Variants in THADA observed in about 807,000 individuals in gnomAD.
THADA encodes the protein tRNA (32-2'-O)-methyltransferase regulator THADA.
A neutral mutation model predicts 219.8 loss-of-function variants in THADA; 213 were observed. The observed-to-expected ratio is 0.97, with a 90% CI of 0.87 to 1.09. THADA has a LOEUF of 1.09. Ranked by LOEUF, THADA falls within the 50% of genes least tolerant of loss-of-function variation. The pLI is 0.00. For synonymous variants in THADA, 1,018 were observed against 828.9 expected (o/e 1.23, Z -3.92); for missense variants, 2,956 against 2,311.3 (o/e 1.28, Z -5.72).
At chr2:43,344,356 T>C (rs759758900) in intron 29 of THADA, 119 bp from the exon 30 acceptor site, 31 of 662,958 alleles carry the variant, frequency 4.7e-5, no homozygotes, top group Non-Finnish European at 7.1e-5. Context: ...ACCTGCAGAA[T>C]GTAGCTCTGG....
At chr2:43,349,073 C>A (rs1210678746) in intron 29 of THADA, among the ~76,000 whole-genome samples, 2 of 152,128 alleles carry the variant, frequency 1.3e-5, no homozygotes, top group Non-Finnish European at 2.9e-5. Context: ...CAAGTACAAG[C>A]CAACAGCATC....
intron 31 of THADA, among the ~76,000 whole-genome samples, chr2:43,297,622 AG>A (rs1463846670): frequency 3.2e-4 from 29 of 91,714 alleles, no homozygotes; most frequent in Admixed American, 8.6e-4. Flanking sequence ...CCGCCCGGCC[AG>A]CCCCCCCGTC....
chr2:43,578,785 TA>T lies in THADA; in HGVS notation c.722-179del, dbSNP rs547083394. Among the ~76,000 whole-genome samples, 27 of 152,296 alleles carry T rather than the reference TA, an allele frequency of 1.8e-4. No individual in the cohort carries two copies. The East Asian group carries it at 5.0e-3, about 28-fold the overall frequency. Reference sequence around the variant, plus strand: ...CCCACAGACTCTCTTTTCTCTTGGGTAAAATGGGATAACTCTTAACTGAGGC... The same window carrying T: ...CCCACAGACTCTCTTTTCTCTTGGGTAAATGGGATAACTCTTAACTGAGGC... On this transcript the variant is annotated intron_variant, in intron 8 of 37. Transcript: ENST00000405975.
chr2:43,475,402 G>T (rs558611820), intron 26 of THADA, among the ~76,000 whole-genome samples: 1 of 139,968 alleles, frequency 7.1e-6, no homozygotes, highest in African/African-American at 2.7e-5. Context: ...CAGCCTGGGC[G>T]ACAGAGCTAG....
At chr2:43,491,249 C>T (rs1687599134) in intron 25 of THADA, among the ~76,000 whole-genome samples, 1 of 152,128 alleles carries the variant, frequency 6.6e-6, no homozygotes, top group Non-Finnish European at 1.5e-5. Flanking sequence ...ACAATAAATG[C>T]TAATATGAAT....
intron 21 of THADA, among the ~76,000 whole-genome samples, chr2:43,535,724 T>C (rs945889106): frequency 1.3e-4 from 19 of 145,378 alleles, no homozygotes; most frequent in Admixed American, 7.6e-4. Context: ...CCCAGATCAA[T>C]GTCCTGAATA....
At chr2:43,309,175 A>G (rs1677208843) in intron 31 of THADA, among the ~76,000 whole-genome samples, 1 of 152,222 alleles carries the variant, frequency 6.6e-6, no homozygotes, top group African/African-American at 2.4e-5. Context: ...GCACTTTACC[A>G]AAAAAGACAT....
intron 7 of THADA, among the ~76,000 whole-genome samples, chr2:43,583,350 C>T (rs1396485275): frequency 1.3e-5 from 2 of 152,178 alleles, no homozygotes; most frequent in Non-Finnish European, 2.9e-5. Context: ...AGACCAACTC[C>T]ACTGCTACAT....
At chr2:43,391,445 T>C (rs891171218) in intron 29 of THADA, among the ~76,000 whole-genome samples, 4 of 152,152 alleles carry the variant, frequency 2.6e-5, no homozygotes, top group African/African-American at 9.7e-5. Flanking sequence ...GCTCCCTAAG[T>C]AACAGACACC....
chr2:43,576,905 T>C, intron 10 of THADA, 117 bp downstream of exon 10: 1 of 863,516 alleles, frequency 1.2e-6, no homozygotes, highest in African/African-American at 1.7e-5. Flanking sequence ...TCCTCTTGCC[T>C]CAGCCTACTG....
At chr2:43,499,018 A>G in intron 24 of THADA, 63 bp from the exon 25 acceptor site, 2 of 1,524,694 alleles carry the variant, frequency 1.3e-6, no homozygotes, top group East Asian at 2.5e-5. Flanking sequence ...AAATCTACAC[A>G]TATCCAATAG....
chr2:43,460,348 C>T lies in THADA; in HGVS notation c.3836+24886G>A, dbSNP rs1182425549. On this transcript the variant is annotated intron_variant, in intron 26 of 37. Transcript: ENST00000405975. ...TCAGCATAAGAAAGAGTTGGCAGTA[C>T]CCAGGTGAAACTGCTCCAGACTGTG... 5.3e-5 allele frequency among the ~76,000 whole-genome samples: 8 copies of T among 151,670 alleles called. No individual in the cohort carries two copies. In the South Asian group the frequency reaches 1.5e-3, roughly 28 times the overall value.
At chr2:43,269,116 G>A (rs1005748910) in intron 36 of THADA, among the ~76,000 whole-genome samples, 1 of 152,192 alleles carries the variant, frequency 6.6e-6, no homozygotes, top group Non-Finnish European at 1.5e-5. Context: ...GAGGAGAGCC[G>A]AGGCCACGAG....
intron 26 of THADA, among the ~76,000 whole-genome samples, chr2:43,470,676 ACT>A (rs1282272584): frequency 4.3e-4 from 66 of 152,212 alleles, no homozygotes; most frequent in Admixed American, 1.3e-3. Flanking sequence ...CAAGAATAAG[ACT>A]CTAACTTTTT....
At chr2:43,470,348 A>G (rs1260703018) in intron 26 of THADA, among the ~76,000 whole-genome samples, 2 of 152,164 alleles carry the variant, frequency 1.3e-5, no homozygotes, top group Non-Finnish European at 2.9e-5. Flanking sequence ...TACACATTAA[A>G]ACATTTTATA....
intron 16 of THADA, among the ~76,000 whole-genome samples, chr2:43,559,512 C>A (rs1251126632): frequency 6.6e-6 from 1 of 152,168 alleles, no homozygotes; most frequent in Admixed American, 6.5e-5. Flanking sequence ...TAATAGAAAG[C>A]CATAGCTAAG....
chr2:43,447,744 GT>G (rs1681762004), intron 26 of THADA, among the ~76,000 whole-genome samples: 1 of 152,092 alleles, frequency 6.6e-6, no homozygotes, highest in South Asian at 2.1e-4. Context: ...CTTAAGACTA[GT>G]TTTACCTAGT....
chr2:43,555,360 T>C (rs1192529062), intron 17 of THADA, among the ~76,000 whole-genome samples: 2 of 151,344 alleles, frequency 1.3e-5, no homozygotes, highest in African/African-American at 4.8e-5. Context: ...GAATAAAACT[T>C]GTGAACTTTT....
intron 29 of THADA, among the ~76,000 whole-genome samples, chr2:43,346,890 T>A (rs1667685181): frequency 6.6e-6 from 1 of 152,244 alleles, no homozygotes; most frequent in African/African-American, 2.4e-5. Flanking sequence ...ACAAGTCTGA[T>A]GCACTGTAGG....
Sources: gnomAD v4.1 joint callset for allele counts (sites outside exome capture counted in the v4.1 genomes callset) on GRCh38, gnomAD v4.1.1 for gene constraint, MANE v1.5 for transcripts, NCBI Gene and HGNC (gene_info 2026-07-23, HGNC 2026-07-21) for gene names.